TBC1D9B: variants seen among roughly 807,000 people sequenced by gnomAD.
TBC1D9B encodes TBC1 domain family member 9B.
In TBC1D9B, 87 loss-of-function variants were observed where a neutral mutation model predicts 121.1. That is an observed-to-expected ratio of 0.72 (90% CI 0.60 to 0.86). The LOEUF (loss-of-function observed/expected upper bound fraction) is 0.86. Ranked by LOEUF, TBC1D9B falls within the 40% of genes least tolerant of loss-of-function variation. The probability of loss-of-function intolerance (pLI) is 0.00; values close to 1 mark genes in which losing one functional copy is unlikely to be tolerated. For missense variants in TBC1D9B, 1,540 were observed against 1,628.6 expected (o/e 0.95, Z 0.94); for synonymous variants, 668 against 670.1 (o/e 1.00, Z 0.05).
chr5:179,887,862 TGGGCAATGGGCCCAGCAGGAGTGAG>T, intron 7 of TBC1D9B: 1 of 576,222 alleles, frequency 1.7e-6, no homozygotes, highest in Non-Finnish European at 3.1e-6. Flanking sequence ...AGGTTCCTCA[TGGGCAATGGGCCCAGCAGGAGTGAG>T]GAGTACCGGG....
chr5:179,884,599 T>C (rs1211862302), intron 7 of TBC1D9B: 1 of 152,224 alleles, frequency 6.6e-6, no homozygotes, highest in Non-Finnish European at 1.5e-5. Context: ...TTACTCATAA[T>C]AGCCATGAGG....
intron 5 of TBC1D9B, among the ~76,000 whole-genome samples, chr5:179,892,819 AACACCCTGGCTGAGGTGGCT>A (rs1760903059): frequency 6.6e-6 from 1 of 152,150 alleles, no homozygotes; most frequent in Non-Finnish European, 1.5e-5. Context: ...GGGGTGTCAG[AACACCCTGGCTGAGGTGGCT>A]ACATCCTGGC....
chr5:179,889,054 C>T (rs534456839), intron 6 of TBC1D9B, among the ~76,000 whole-genome samples: 204 of 150,018 alleles, frequency 1.4e-3, no homozygotes, highest in Non-Finnish European at 2.4e-3. Flanking sequence ...TTTTTTGAGA[C>T]GGAGTCTCGC....
chr5:179,879,547 C>T (rs2113620565), intron 8 of TBC1D9B, 81 bp downstream of exon 8: 5 of 1,604,490 alleles, frequency 3.1e-6, no homozygotes, highest in Non-Finnish European at 4.3e-6. Flanking sequence ...GAGGGAAGGC[C>T]CAGGCCCAGG....
intron 7 of TBC1D9B, among the ~76,000 whole-genome samples, chr5:179,880,374 G>T (rs562303529): frequency 1.3e-5 from 2 of 152,354 alleles, no homozygotes; most frequent in Admixed American, 6.5e-5. Flanking sequence ...AAAGTCCAGT[G>T]GGGGAGAGCC....
chr5:179,894,731 C>T (rs1760974064), intron 3 of TBC1D9B, 117 bp from the exon 4 acceptor site: 1 of 956,348 alleles, frequency 1.0e-6, no homozygotes, highest in Admixed American at 2.5e-5. Context: ...GGGCTACAGG[C>T]ACAGCTGGGA....
rs760539290 is a variant in TBC1D9B, at chr5:179,863,715, C to T, written c.3435G>A (p.Thr1145=). 5.8e-5 allele frequency: 94 copies of T among 1,613,418 alleles called. No individual in the cohort carries two copies. The highest frequency in any genetic ancestry group is 5.0e-5 in the Admixed American group (3 of 59,994). ...MSMSSYSVVS[T]GSLQCEDLAD... is the part of the protein sequence containing the mutation. ...CAAGGTCTTCACATTGCAGGGAGCC[C>T]GTGCTGACCACCGAGTAGGAGGACA... Residue 1145 remains threonine (T), a synonymous_variant, in exon 21 of 21, where the codon ACG becomes ACA. Transcript: ENST00000355235. The surrounding 1 kb of genome is among the most constrained non-coding windows in gnomAD (Gnocchi z 4.5).
In TBC1D9B at chr5:179,890,465, T is replaced by C. The variant is rs771839579; in HGVS notation, c.1044+914A>G. 6.6e-6 allele frequency among the ~76,000 whole-genome samples: 1 copy of C among 152,144 alleles called. No homozygotes were observed. Among genetic ancestry groups the C allele is most frequent in the African/African-American group, 2.4e-5 (1 of 41,432 alleles). ...CCACAGGGCCCTGGTGCTAACAGAA[T>C]GTGGGGTTCGGGTCACACCTGAGCC... On this transcript the variant is annotated intron_variant, in intron 6 of 20. Coordinates refer to ENST00000355235, the MANE Select transcript of TBC1D9B (RefSeq NM_015043.4). This position sits in a 1 kb window ranked among gnomAD's most constrained non-coding sequence, Gnocchi z 5.0.
In TBC1D9B at chr5:179,869,717, A is replaced by G. The variant is rs1209280335; in HGVS notation, c.2791+52T>C. 3 of 1,598,556 alleles carry G rather than the reference A, an allele frequency of 1.9e-6. No individual in the cohort carries two copies. The African/African-American group carries it at 4.0e-5, about 21-fold the overall frequency. Reference sequence around the variant, plus strand: ...ACAGAGGCCTGTCCTCTGCAGCTGAACTTCTGGACAAGTGGGAGACCCTGG... The same window carrying G: ...ACAGAGGCCTGTCCTCTGCAGCTGAGCTTCTGGACAAGTGGGAGACCCTGG... On this transcript the variant is annotated intron_variant, in intron 17 of 20. Coordinates refer to ENST00000355235, the MANE Select transcript of TBC1D9B (RefSeq NM_015043.4).
At chr5:179,866,010 GAGCAGGT>G in intron 18 of TBC1D9B, 122 bp from the exon 19 acceptor site, 5 of 1,244,736 alleles carry the variant, frequency 4.0e-6, no homozygotes, top group Non-Finnish European at 5.8e-6. Context: ...AGGCCCTGGG[GAGCAGGT>G]CTCCCATGCC....
At position 179,871,496 on chromosome 5, in the gene TBC1D9B, A is replaced by G. The variant is rs1760197065; in HGVS notation, c.2450T>C (p.Ile817Thr). The change falls in exon 15 of 21, where the codon ATT becomes ACT. Residue 817 changes from isoleucine (I) to threonine (T), a missense_variant. Transcript: ENST00000355235. ...RAIPVDIGFS[I>T]EELEDLYMVF... ...CATGTAAAGGTCCTCCAGCTCTTCA[A>G]TGGAGAAACCAATGTCCACAGGTAT... 5 of 1,613,258 alleles carry G rather than the reference A, an allele frequency of 3.1e-6. No individual in the cohort carries two copies. Among genetic ancestry groups the G allele is most frequent in the South Asian group, 1.1e-5 (1 of 90,850 alleles).
At chr5:179,876,145 CTTCT>C (rs1286168804) in intron 10 of TBC1D9B, 108 bp from the exon 11 acceptor site, 1 of 759,240 alleles carries the variant, frequency 1.3e-6, no homozygotes, top group African/African-American at 1.8e-5. Flanking sequence ...CCCACATGAT[CTTCT>C]TTTTGTTGTT....
intron 10 of TBC1D9B, 137 bp downstream of exon 10, chr5:179,878,172 A>T: frequency 1.1e-6 from 1 of 913,686 alleles, no homozygotes; most frequent in Non-Finnish European, 1.6e-6. Context: ...TACTGTTTTT[A>T]AATTACATCT....
At chr5:179,873,995 G>A (rs1241631856) in intron 12 of TBC1D9B, among the ~76,000 whole-genome samples, 1 of 152,206 alleles carries the variant, frequency 6.6e-6, no homozygotes, top group African/African-American at 2.4e-5. Flanking sequence ...ACAGTAGGGA[G>A]GTGACAACCC....
At chr5:179,882,750 T>C (rs1254302392) in intron 7 of TBC1D9B, among the ~76,000 whole-genome samples, 1 of 152,160 alleles carries the variant, frequency 6.6e-6, no homozygotes, top group Non-Finnish European at 1.5e-5. Flanking sequence ...CTCACGGGCC[T>C]GAGGCACAAG....
In TBC1D9B at chr5:179,865,393, T is replaced by A. The variant is rs376796624; in HGVS notation, c.2915-33A>T. ...TTAGGAGGAAAGAGATTAATCTTTG[T>A]CATGTGAGACGGCTGCGGGCTGACA... is the stretch of plus-strand genomic sequence containing the variant. On this transcript the variant is annotated intron_variant, in intron 19 of 20. Transcript: ENST00000355235. This position sits in a 1 kb window ranked among gnomAD's most constrained non-coding sequence, Gnocchi z 5.1. 6.2e-7 allele frequency: 1 copy of A among 1,601,844 alleles called. No homozygotes were observed. Among genetic ancestry groups the A allele is most frequent in the Non-Finnish European group, 8.6e-7 (1 of 1,169,170 alleles).
rs1211948096 is a variant in TBC1D9B at position 179,875,480 on chromosome 5, T to C, written c.1901-293A>G. Among the ~76,000 whole-genome samples, 3 of 152,180 alleles carry C rather than the reference T, an allele frequency of 2.0e-5. No homozygotes were observed. The highest frequency in any genetic ancestry group is 7.2e-5 in the African/African-American group (3 of 41,442). On this transcript the variant is annotated intron_variant, in intron 11 of 20. Transcript: ENST00000355235. This position sits in a 1 kb window ranked among gnomAD's most constrained non-coding sequence, Gnocchi z 4.5. ...GTAAACAGCACCCTCAATGACTCTG[T>C]CCCATCCTGATGATTGTGAATAGAC... is the stretch of plus-strand genomic sequence containing the variant.
chr5:179,903,766 C>G (rs766412453), intron 2 of TBC1D9B, among the ~76,000 whole-genome samples: 1 of 152,164 alleles, frequency 6.6e-6, no homozygotes, highest in Non-Finnish European at 1.5e-5. Flanking sequence ...GGAACAAGAG[C>G]GCTATGCTTG....
intron 20 of TBC1D9B, 119 bp from the exon 21 acceptor site, chr5:179,864,247 C>T (rs2113596293): frequency 9.9e-7 from 1 of 1,011,888 alleles, no homozygotes; most frequent in Admixed American, 2.7e-5. Context: ...TCTTGCTAAT[C>T]ATCTCCATGA....
Sources: gnomAD v4.1 joint callset for allele counts (sites outside exome capture counted in the v4.1 genomes callset) on GRCh38, gnomAD v4.1.1 for gene constraint, Gnocchi (gnomAD v3.1) non-coding constraint, MANE v1.5 for transcripts, NCBI Gene and HGNC (gene_info 2026-07-23, HGNC 2026-07-21) for gene names.